Variants in NTNG1 observed in about 807,000 individuals in gnomAD.
NTNG1 encodes netrin G1.
A neutral mutation model predicts 54.0 loss-of-function variants in NTNG1; 16 were observed. The observed-to-expected ratio is 0.30, with a 90% CI of 0.20 to 0.45. NTNG1 has a LOEUF of 0.45. NTNG1 is among the 20% of genes least tolerant of loss of function. NTNG1 has a pLI of 1.00. For missense variants in NTNG1, 530 were observed against 678.7 expected, an observed-to-expected ratio of 0.78 and a Z score of 2.43; for synonymous variants, 255 against 263.1, an observed-to-expected ratio of 0.97 and a Z score of 0.30.
At chr1:107,333,687 T>C (rs1045601391) in intron 3 of NTNG1, among the ~76,000 whole-genome samples, 1 of 151,924 alleles carries the variant, frequency 6.6e-6, no homozygotes, top group Non-Finnish European at 1.5e-5. Flanking sequence ...TTAAACTATT[T>C]GCAGTGCTAA....
intron 7 of NTNG1, among the ~76,000 whole-genome samples, chr1:107,459,509 G>A (rs192766054): frequency 4.7e-4 from 72 of 151,960 alleles, no homozygotes; most frequent in African/African-American, 1.4e-3. Flanking sequence ...AAAGGCAGGG[G>A]TAAAAAATAA....
intron 2 of NTNG1, among the ~76,000 whole-genome samples, chr1:107,323,131 GA>G (rs1485198922): frequency 6.7e-6 from 1 of 148,960 alleles, no homozygotes; most frequent in Admixed American, 6.7e-5. Context: ...AAGAAAGAAA[GA>G]AACCTAATTG....
intron 3 of NTNG1, among the ~76,000 whole-genome samples, chr1:107,369,685 A>G (rs1292538380): frequency 6.6e-6 from 1 of 152,120 alleles, no homozygotes; most frequent in African/African-American, 2.4e-5. Flanking sequence ...TTTTATTTCA[A>G]TATGTGGATC....
chr1:107,204,917 G>C (rs1659063632), intron 2 of NTNG1, among the ~76,000 whole-genome samples: 1 of 152,084 alleles, frequency 6.6e-6, no homozygotes, highest in Non-Finnish European at 1.5e-5. Flanking sequence ...GGTGATACGG[G>C]AGTTACTGCA....
chr1:107,148,495 A>G lies in NTNG1; in HGVS notation c.-99A>G. The G allele has an allele frequency of 8.9e-7, 1 of 1,127,672 alleles. No individual in the cohort carries two copies. Among genetic ancestry groups the G allele is most frequent in the South Asian group, 1.5e-5 (1 of 68,760 alleles). The allele number at this position is 1,127,672 out of a possible 1,614,324, so 69.9% of individuals were successfully genotyped here. A position where few individuals can be genotyped will look rare whatever the true frequency, so the allele number is the denominator to read the frequency against. ...TACAGAGACCTACCTACCCGTACGC[A>G]TACATACATATGTGTATATATATGT... is the stretch of plus-strand genomic sequence containing the variant. On this transcript the variant is annotated 5_prime_UTR_variant, in exon 2 of 8. Coordinates refer to ENST00000370068, the MANE Select transcript of NTNG1 (RefSeq NM_001113226.3).
chr1:107,346,031 G>A (rs1047147280), intron 3 of NTNG1, among the ~76,000 whole-genome samples: 1 of 152,186 alleles, frequency 6.6e-6, no homozygotes, highest in African/African-American at 2.4e-5. Flanking sequence ...CACCTGATAA[G>A]CCTCGATTTG....
At chr1:107,357,693 A>T (rs1487559779) in intron 3 of NTNG1, among the ~76,000 whole-genome samples, 1 of 150,894 alleles carries the variant, frequency 6.6e-6, no homozygotes, top group African/African-American at 2.4e-5. Context: ...TTTTTGACAT[A>T]AAATTGTAAA....
chr1:107,348,094 T>G (rs1322345332), intron 3 of NTNG1, among the ~76,000 whole-genome samples: 1 of 135,426 alleles, frequency 7.4e-6, no homozygotes, highest in African/African-American at 2.8e-5. Flanking sequence ...AGTTTTTTTG[T>G]TTGCTTTTTT....
intron 2 of NTNG1, among the ~76,000 whole-genome samples, chr1:107,241,066 A>G (rs1661792345): frequency 6.6e-6 from 1 of 152,184 alleles, no homozygotes. Flanking sequence ...TTTAATAGTA[A>G]TAAAGCAGAT....
intron 7 of NTNG1, among the ~76,000 whole-genome samples, chr1:107,454,144 G>A (rs1441123577): frequency 6.6e-6 from 1 of 152,078 alleles, no homozygotes; most frequent in East Asian, 1.9e-4. Flanking sequence ...TCATTAATGG[G>A]AGTGTTGGTA....
At chr1:107,404,231 G>GT (rs1265678263) in intron 4 of NTNG1, among the ~76,000 whole-genome samples, 4 of 151,878 alleles carry the variant, frequency 2.6e-5, no homozygotes, top group Admixed American at 6.6e-5. Flanking sequence ...ACAAATGAGA[G>GT]TATCAAAAAA....
chr1:107,212,082 C>G (rs1237131510), intron 2 of NTNG1, among the ~76,000 whole-genome samples: 1 of 151,976 alleles, frequency 6.6e-6, no homozygotes, highest in East Asian at 1.9e-4. Flanking sequence ...AAAATCAGAA[C>G]TAGATATTTT....
chr1:107,187,292 G>A (rs571329425), intron 2 of NTNG1, among the ~76,000 whole-genome samples: 3 of 152,134 alleles, frequency 2.0e-5, no homozygotes, highest in African/African-American at 7.2e-5. Flanking sequence ...CACATAGTAG[G>A]TACTCAATAA....
intron 7 of NTNG1, among the ~76,000 whole-genome samples, chr1:107,457,186 G>A (rs1677004023): frequency 6.6e-6 from 1 of 152,154 alleles, no homozygotes; most frequent in African/African-American, 2.4e-5. Context: ...ATCACTCTTG[G>A]AGAGAAATAA....
In NTNG1 at chr1:107,394,846, C is replaced by G. The variant is rs12754483; in HGVS notation, c.888-308C>G. ...TTTCCTAAATGACAGTATTTTGGAA[C>G]CTGTTGGGAACCCCTTGATTTTGGA... On this transcript the variant is annotated intron_variant, in intron 3 of 7. Transcript: ENST00000370068. 0.14 allele frequency among the ~76,000 whole-genome samples: 20,892 copies of G among 152,076 alleles called. 1,572 individuals are homozygous for G. Among genetic ancestry groups the G allele is most frequent in the Middle Eastern group, 0.24 (70 of 294 alleles).
At chr1:107,156,731 A>G (rs1201983143) in intron 2 of NTNG1, among the ~76,000 whole-genome samples, 3 of 152,174 alleles carry the variant, frequency 2.0e-5, no homozygotes, top group Non-Finnish European at 4.4e-5. Flanking sequence ...GTCCAGGGAC[A>G]GAACTGCCAT....
chr1:107,259,739 A>G (rs1390589686), intron 2 of NTNG1, among the ~76,000 whole-genome samples: 1 of 152,190 alleles, frequency 6.6e-6, no homozygotes, highest in Non-Finnish European at 1.5e-5. Flanking sequence ...CCAGTCAACT[A>G]TTTCTCTCTA....
chr1:107,418,703 T>A (rs996446675), intron 5 of NTNG1: 15 of 1,080,452 alleles, frequency 1.4e-5, no homozygotes, highest in Admixed American at 2.2e-5. Context: ...GGGAAAATCC[T>A]ATATGCCATT....
Position 107,397,261 on chromosome 1 carries a change from G to A in NTNG1, c.1060+1935G>A, listed in dbSNP as rs75638559. ...ATGGATGGACCCAGTGTCCAAAGGG[G>A]TTCAATTCAATATTCCAATCATCAG... On this transcript the variant is annotated intron_variant, in intron 4 of 7. Coordinates refer to ENST00000370068, the MANE Select transcript of NTNG1 (RefSeq NM_001113226.3). 0.012 allele frequency among the ~76,000 whole-genome samples: 1,778 copies of A among 152,264 alleles called. 84 individuals are homozygous for A. The East Asian group carries it at 0.17, about 15-fold the overall frequency.
Sources: gnomAD v4.1 joint callset for allele counts (sites outside exome capture counted in the v4.1 genomes callset) on GRCh38, gnomAD v4.1.1 for gene constraint, MANE v1.5 for transcripts, NCBI Gene and HGNC (gene_info 2026-07-23, HGNC 2026-07-21) for gene names.